The following ZC3H18 variants were observed in gnomAD, a reference collection of about 807,000 sequenced individuals.
ZC3H18 encodes the protein zinc finger CCCH-type containing 18.
A neutral mutation model predicts 106.1 loss-of-function variants in ZC3H18; 8 were observed. That is an observed-to-expected ratio of 0.08 (90% CI 0.04 to 0.14). The LOEUF (loss-of-function observed/expected upper bound fraction) is 0.14. ZC3H18 is among the 10% of genes least tolerant of loss of function. The probability of loss-of-function intolerance (pLI) is 1.00; values close to 1 mark genes in which losing one functional copy is unlikely to be tolerated. For missense variants in ZC3H18, 1,318 were observed against 1,278.4 expected, an observed-to-expected ratio of 1.03 and a Z score of -0.47; for synonymous variants, 635 against 522.1, an observed-to-expected ratio of 1.22 and a Z score of -2.95.
chr16:88,605,972 G>C (rs1421116515), intron 6 of ZC3H18, among the ~76,000 whole-genome samples: 1 of 152,354 alleles, frequency 6.6e-6, no homozygotes, highest in East Asian at 1.9e-4. Context: ...CTGGGGACGC[G>C]GGGCCTCTGG....
At chr16:88,628,179 C>T (rs1906434617) in intron 15 of ZC3H18, 60 bp downstream of exon 15, 7 of 1,575,138 alleles carry the variant, frequency 4.4e-6, no homozygotes, top group East Asian at 2.3e-5. Flanking sequence ...CCATCTGCTT[C>T]CTGAGACAGC....
At chr16:88,608,761 C>A in intron 6 of ZC3H18, 173 bp from the exon 7 acceptor site, 1 of 535,930 alleles carries the variant, frequency 1.9e-6, no homozygotes, top group South Asian at 2.7e-5. Flanking sequence ...GACTTCTGGC[C>A]TGCTCTTAGA....
chr16:88,577,210 G>T lies in ZC3H18; in HGVS notation c.87G>T (p.Leu29=). The T allele has an allele frequency of 6.2e-7, 1 of 1,613,136 alleles. No homozygotes were observed. The highest frequency in any genetic ancestry group is 8.5e-7 in the Non-Finnish European group (1 of 1,179,508). ...QPQGLSDDDI[L]RDSGSDQDLD... ...AGGGACTCTCGGACGATGACATTCT[G>T]AGGGACAGCGGGTCCGATCAGGATT... Residue 29 remains leucine, a synonymous_variant, in exon 2 of 18, where the codon CTG becomes CTT. Transcript: ENST00000301011.
intron 8 of ZC3H18, among the ~76,000 whole-genome samples, chr16:88,617,506 G>A (rs1021685358): frequency 7.2e-5 from 11 of 152,248 alleles, no homozygotes; most frequent in Non-Finnish European, 1.0e-4. Flanking sequence ...GCCGAGGCAC[G>A]TCATTACGAT....
rs1030736295 is a variant in ZC3H18, at chr16:88,631,789, T to G, written c.*490T>G. 2.2e-5 allele frequency: 7 copies of G among 311,476 alleles called. No homozygotes were observed. Among genetic ancestry groups the G allele is most frequent in the Non-Finnish European group, 4.4e-5 (7 of 157,468 alleles). The allele number at this position is 311,476 out of a possible 1,614,324, so 19.3% of individuals were successfully genotyped here. The stretch of plus-strand genomic sequence containing the variant: ...AATATATCTATATTCTCGACTAAAG[T>G]CTCATCAGGAAATATTTCCTGTCTT... On this transcript the variant is annotated 3_prime_UTR_variant, in exon 18 of 18. Coordinates refer to ENST00000301011, the MANE Select transcript of ZC3H18 (RefSeq NM_144604.4).
chr16:88,624,701 G>A lies in ZC3H18; in HGVS notation c.1998G>A (p.Arg666=), dbSNP rs1239899829. The change falls in exon 12 of 18, where the codon CGG becomes CGA. Residue 666 remains arginine, a synonymous_variant. Transcript: ENST00000301011. ...AGCCCACCAAGCCAGGAGACCCTCG[G>A]GAAGCCAGGAGGAAGGAGCGGCCAG... The part of the protein sequence containing the change: ...VPEPTKPGDP[R]EARRKERPAR... The A allele has an allele frequency of 8.7e-6, 14 of 1,613,680 alleles. No homozygotes were observed. The South Asian group carries it at 1.5e-4, about 18-fold the overall frequency.
intron 2 of ZC3H18, among the ~76,000 whole-genome samples, chr16:88,578,385 G>A (rs1208193299): frequency 6.6e-6 from 1 of 152,156 alleles, no homozygotes; most frequent in Non-Finnish European, 1.5e-5. Context: ...TGGGTAGGTG[G>A]GGTTTTCTTA....
chr16:88,629,111 G>A (rs1906505233), intron 16 of ZC3H18, among the ~76,000 whole-genome samples: 1 of 152,234 alleles, frequency 6.6e-6, no homozygotes, highest in Non-Finnish European at 1.5e-5. Context: ...GGCTGAGGCC[G>A]GCAGATCACT....
intron 8 of ZC3H18, among the ~76,000 whole-genome samples, chr16:88,614,062 C>T (rs1438772565): frequency 1.3e-5 from 2 of 152,260 alleles, no homozygotes; most frequent in Non-Finnish European, 2.9e-5. Flanking sequence ...GCCCGAGATC[C>T]TTCCAGGGCC....
chr16:88,602,968 CTT>C (rs1029970086), intron 6 of ZC3H18, among the ~76,000 whole-genome samples: 13 of 145,106 alleles, frequency 9.0e-5, no homozygotes, highest in Non-Finnish European at 9.1e-5. Flanking sequence ...GTTGTTCCTT[CTT>C]TTTTTTTTTT....
Position 88,577,534 on chromosome 16 carries a change from G to C in ZC3H18, c.411G>C (p.Glu137Asp). 6.2e-7 allele frequency: 1 copy of C among 1,613,340 alleles called. No individual in the cohort carries two copies. Among genetic ancestry groups the C allele is most frequent in the Non-Finnish European group, 8.5e-7 (1 of 1,179,906 alleles). ...ACTACGATGAGGAGGTTCCTGAGGA[G>C]CCAGCTCCCGCCGTCCAGGAGGACG... ...ELDYDEEVPEEPAPAVQEDEA... is the reference protein window; with the variant it reads ...ELDYDEEVPEDPAPAVQEDEA... Residue 137 changes from glutamate to aspartate, a missense_variant, in exon 2 of 18, where the codon GAG (glutamate) becomes GAC (aspartate). Glu to Asp is a conservative substitution (Grantham distance 45, BLOSUM62 2). Coordinates refer to ENST00000301011, the MANE Select transcript of ZC3H18 (RefSeq NM_144604.4).
chr16:88,583,326 G>T (rs1915245985), intron 2 of ZC3H18, among the ~76,000 whole-genome samples: 1 of 152,260 alleles, frequency 6.6e-6, no homozygotes, highest in Non-Finnish European at 1.5e-5. Context: ...CACGTTACCA[G>T]TGAGGCGTTT....
intron 6 of ZC3H18, among the ~76,000 whole-genome samples, chr16:88,601,752 A>G (rs1904760157): frequency 6.6e-6 from 1 of 152,100 alleles, no homozygotes; most frequent in Admixed American, 6.6e-5. Flanking sequence ...TTGTTTTTAT[A>G]GAGTAGCCTC....
intron 1 of ZC3H18, among the ~76,000 whole-genome samples, chr16:88,571,120 G>C (rs1597311859): frequency 6.6e-6 from 1 of 152,242 alleles, no homozygotes; most frequent in African/African-American, 2.4e-5. Context: ...TAGGAGATCA[G>C]AGGTGCTGGG....
At chr16:88,599,608 CAG>C (rs1904637300) in intron 5 of ZC3H18, among the ~76,000 whole-genome samples, 181 bp from the exon 6 acceptor site, 2 of 152,318 alleles carry the variant, frequency 1.3e-5, no homozygotes, top group South Asian at 4.1e-4. Flanking sequence ...GAGACGGGCA[CAG>C]ACTGCCCTCC....
intron 3 of ZC3H18, among the ~76,000 whole-genome samples, chr16:88,588,505 A>G (rs1915564269): frequency 6.6e-6 from 1 of 152,186 alleles, no homozygotes; most frequent in Non-Finnish European, 1.5e-5. Context: ...GGAACTCTTC[A>G]TTCCCTTCAT....
chr16:88,630,826 C>T (rs1451771753), intron 17 of ZC3H18, among the ~76,000 whole-genome samples: 1 of 150,680 alleles, frequency 6.6e-6, no homozygotes, highest in Admixed American at 6.6e-5. Context: ...CTCCGCATGC[C>T]CTTGGGCAAA....
At chr16:88,598,895 T>C (rs1297851524) in intron 5 of ZC3H18, among the ~76,000 whole-genome samples, 183 bp downstream of exon 5, 4 of 152,186 alleles carry the variant, frequency 2.6e-5, no homozygotes, top group Admixed American at 2.6e-4. Context: ...GTTTCACTCT[T>C]GTTGCCCAGG....
In ZC3H18 at chr16:88,631,417, A is replaced by G. The variant is rs1906684191; in HGVS notation, c.*118A>G. ...TCTTTTTAAAAAGTAAAAAAGAAAA[A>G]AAAGTTTCTCAGCTGGAAAAGAAGC... On this transcript the variant is annotated 3_prime_UTR_variant, in exon 18 of 18. Coordinates refer to ENST00000301011, the MANE Select transcript of ZC3H18 (RefSeq NM_144604.4). The G allele has an allele frequency of 2.1e-6, 3 of 1,400,412 alleles. No individual in the cohort carries two copies. Among genetic ancestry groups the G allele is most frequent in the Non-Finnish European group, 2.9e-6 (3 of 1,038,002 alleles). 86.7% of individuals were successfully genotyped at this position (1,400,412 alleles called of 1,614,324 possible).
Sources: allele counts gnomAD v4.1 joint callset (sites outside exome capture counted in the v4.1 genomes callset), GRCh38; gene constraint gnomAD v4.1.1; transcripts MANE v1.5; gene names NCBI Gene and HGNC (gene_info 2026-07-23, HGNC 2026-07-21).